Variants in AFF4 observed in about 807,000 individuals in gnomAD.
AFF4 encodes ALF transcription elongation factor 4.
In AFF4, 13 loss-of-function variants were observed where a neutral mutation model predicts 124.8. That is an observed-to-expected ratio of 0.10 (90% CI 0.07 to 0.17). The LOEUF (loss-of-function observed/expected upper bound fraction) is 0.17. Among genes scored for constraint, AFF4 ranks in the 10% least tolerant of loss-of-function variants. The probability of loss-of-function intolerance (pLI) is 1.00; values close to 1 mark genes in which losing one functional copy is unlikely to be tolerated. For synonymous variants in AFF4, 477 were observed against 496.1 expected (o/e 0.96, Z 0.51); for missense variants, 1,092 against 1,403.8 (o/e 0.78, Z 3.55).
At chr5:132,907,693 T>C (rs547794600) in intron 5 of AFF4, among the ~76,000 whole-genome samples, 4 of 151,924 alleles carry the variant, frequency 2.6e-5, no homozygotes, top group African/African-American at 7.2e-5. Context: ...GCCATTCAGA[T>C]TGAAATTTGA....
At chr5:132,952,308 C>T (rs1033956459) in intron 1 of AFF4, among the ~76,000 whole-genome samples, 12 of 152,194 alleles carry the variant, frequency 7.9e-5, no homozygotes, top group African/African-American at 2.9e-4. Context: ...ATTCTGTTTC[C>T]GATTTCCCAC....
At chr5:132,886,286 G>C (rs1228275921) in intron 18 of AFF4, 24 bp downstream of exon 18, 1 of 1,606,178 alleles carries the variant, frequency 6.2e-7, no homozygotes, top group East Asian at 2.2e-5. Flanking sequence ...CTAGGAAACG[G>C]ACCTTGTGCT....
rs969325938 is a variant in AFF4, at chr5:132,948,692, T to C, written c.-4-11499A>G. The C allele has an allele frequency of 6.5e-5, 13 of 200,126 alleles. 1 individual carries two copies. Among genetic ancestry groups the C allele is most frequent in the Non-Finnish European group, 7.8e-5 (7 of 89,440 alleles). 12.4% of individuals were successfully genotyped at this position (200,126 alleles called of 1,614,324 possible). ...ACCATGACTGAAAGATGAAACCACC[T>C]GGTATCTGAAGCATCATTGGCCTTG... On this transcript the variant is annotated intron_variant, in intron 1 of 20. Coordinates refer to ENST00000265343, the MANE Select transcript of AFF4 (RefSeq NM_014423.4).
chr5:132,904,132 C>A, intron 6 of AFF4: 1 of 408,840 alleles, frequency 2.4e-6, no homozygotes, highest in South Asian at 3.1e-5. Context: ...TGGCATGTGC[C>A]CACAGTCCCA....
At chr5:132,938,079 A>G (rs1761473984) in intron 1 of AFF4, among the ~76,000 whole-genome samples, 1 of 152,074 alleles carries the variant, frequency 6.6e-6, no homozygotes, top group African/African-American at 2.4e-5. Context: ...CCCTGGAGAC[A>G]GATTAAATAA....
At chr5:132,944,337 C>CAA (rs149247917) in intron 1 of AFF4, among the ~76,000 whole-genome samples, 4 of 146,842 alleles carry the variant, frequency 2.7e-5, no homozygotes, top group East Asian at 2.0e-4. Context: ...ACTCTGTCTC[C>CAA]AAAAAAAAAC....
At chr5:132,936,214 C>A (rs1468618060) in intron 2 of AFF4, among the ~76,000 whole-genome samples, 1 of 144,452 alleles carries the variant, frequency 6.9e-6, no homozygotes, top group Non-Finnish European at 1.5e-5. Context: ...TTGCAGTGAG[C>A]CCAGATCGCG....
At chr5:132,918,183 AG>A (rs1481823877) in intron 5 of AFF4, among the ~76,000 whole-genome samples, 1 of 151,918 alleles carries the variant, frequency 6.6e-6, no homozygotes, top group Non-Finnish European at 1.5e-5. Flanking sequence ...ACTTGAGGCC[AG>A]GAGTTCGAGA....
At chr5:132,914,780 G>C in intron 5 of AFF4, among the ~76,000 whole-genome samples, 1 of 151,774 alleles carries the variant, frequency 6.6e-6, no homozygotes, top group East Asian at 1.9e-4. Context: ...ACCGGAATAG[G>C]GAATAAGAGA....
chr5:132,955,280 A>C (rs1220140889), intron 1 of AFF4, among the ~76,000 whole-genome samples: 4 of 151,920 alleles, frequency 2.6e-5, no homozygotes, highest in Non-Finnish European at 4.4e-5. Context: ...ATGGAAAAGG[A>C]AACATTCAGG....
chr5:132,882,078 T>A (rs983479214), intron 20 of AFF4, among the ~76,000 whole-genome samples: 1 of 152,060 alleles, frequency 6.6e-6, no homozygotes, highest in Admixed American at 6.5e-5. Context: ...CCAGGTGTGG[T>A]GGCACACATC....
In AFF4 at chr5:132,883,463, A is replaced by T. The variant is rs1209661727; in HGVS notation, c.3241T>A (p.Ser1081Thr). 6.2e-7 allele frequency: 1 copy of T among 1,613,954 alleles called. No individual in the cohort carries two copies. The highest frequency in any genetic ancestry group is 1.7e-5 in the Admixed American group (1 of 59,990). The change falls in exon 20 of 21, where the codon TCT becomes ACT. Residue 1081 changes from serine to threonine, a missense_variant. Physicochemically the swap from Ser to Thr is moderately conservative, Grantham distance 58. This residue lies in a region of AFF4 where 173 missense variants were observed against 294.9 expected (regional missense o/e 0.59). Coordinates refer to ENST00000265343, the MANE Select transcript of AFF4 (RefSeq NM_014423.4). Reference sequence around the variant, plus strand: ...ATCTTCTGTGGAATGGTCACTGAAGAACCACTTGCAGAAGCACTACTGGCC... The same window carrying T: ...ATCTTCTGTGGAATGGTCACTGAAGTACCACTTGCAGAAGCACTACTGGCC... ...SGASSASASG[S>T]SVTIPQKIHQ...
intron 20 of AFF4, among the ~76,000 whole-genome samples, chr5:132,882,471 T>A (rs190734345): frequency 8.5e-5 from 13 of 152,202 alleles, no homozygotes; most frequent in African/African-American, 3.1e-4. Flanking sequence ...TCCACTAAGG[T>A]CTTCAAAGAC....
chr5:132,949,787 G>A (rs762480001), intron 1 of AFF4, among the ~76,000 whole-genome samples: 5 of 150,622 alleles, frequency 3.3e-5, no homozygotes, highest in Non-Finnish European at 7.4e-5. Flanking sequence ...GCGCGAACCC[G>A]GGAGGCGGAG....
chr5:132,945,789 G>A (rs750255410), intron 1 of AFF4, among the ~76,000 whole-genome samples: 13 of 151,524 alleles, frequency 8.6e-5, no homozygotes, highest in Admixed American at 1.3e-4. Flanking sequence ...GGCCGGGCAC[G>A]GTGGCTCGCG....
At chr5:132,920,501 C>T (rs750418074) in intron 5 of AFF4, among the ~76,000 whole-genome samples, 5 of 151,778 alleles carry the variant, frequency 3.3e-5, no homozygotes, top group Admixed American at 6.6e-5. Context: ...GACTATAGGT[C>T]ATGCCACCAC....
chr5:132,943,807 A>AT (rs1278532999), intron 1 of AFF4: 3 of 256,988 alleles, frequency 1.2e-5, no homozygotes, highest in African/African-American at 6.8e-5. Flanking sequence ...CCCAGTCCAA[A>AT]TCAGTGCTGG....
At chr5:132,911,661 G>A (rs1020261864) in intron 5 of AFF4, among the ~76,000 whole-genome samples, 4 of 151,718 alleles carry the variant, frequency 2.6e-5, no homozygotes, top group African/African-American at 7.3e-5. Flanking sequence ...GACGACAAAA[G>A]GGGAGAAGAG....
At position 132,877,293 on chromosome 5, in the gene AFF4, C is replaced by T. The variant is rs550900133; in HGVS notation, c.*3766G>A. 1.8e-4 allele frequency: 39 copies of T among 211,504 alleles called. 1 individual carries two copies. Among genetic ancestry groups the T allele is most frequent in the Non-Finnish European group, 2.3e-4 (24 of 104,194 alleles). 13.1% of individuals were successfully genotyped at this position (211,504 alleles called of 1,614,324 possible). On this transcript the variant is annotated 3_prime_UTR_variant, in exon 21 of 21. Coordinates refer to ENST00000265343, the MANE Select transcript of AFF4 (RefSeq NM_014423.4). ...TCTTTCCCACCCTGTAAGAGCCCTACGACACTACAGAAGGGCTCAAATACA... is the reference window on the plus strand; with the variant it reads ...TCTTTCCCACCCTGTAAGAGCCCTATGACACTACAGAAGGGCTCAAATACA...
Sources: allele counts gnomAD v4.1 joint callset (sites outside exome capture counted in the v4.1 genomes callset), GRCh38; gene constraint gnomAD v4.1.1; regional missense constraint gnomAD v4.1.1; transcripts MANE v1.5; gene names NCBI Gene and HGNC (gene_info 2026-07-23, HGNC 2026-07-21).